SLC24A3: variants seen among roughly 807,000 people sequenced by gnomAD.
SLC24A3 encodes the protein solute carrier family 24 member 3.
SLC24A3 carries 28 observed loss-of-function variants against 75.8 expected under a neutral mutation model. The observed-to-expected ratio is 0.37, with a 90% CI of 0.27 to 0.51. The LOEUF is 0.51. Among genes scored for constraint, SLC24A3 ranks in the 20% least tolerant of loss-of-function variants. SLC24A3 has a pLI of 0.94. For synonymous variants in SLC24A3, 372 were observed against 334.1 expected (o/e 1.11, Z -1.24); for missense variants, 663 against 847.8 (o/e 0.78, Z 2.71).
At chr20:19,271,327 T>TAAAAA (rs1354173057) in intron 1 of SLC24A3, among the ~76,000 whole-genome samples, 2 of 130,256 alleles carry the variant, frequency 1.5e-5, no homozygotes, top group African/African-American at 5.6e-5. Flanking sequence ...AATTAAAAAA[T>TAAAAA]AAAAAAAAAA....
intron 7 of SLC24A3, among the ~76,000 whole-genome samples, chr20:19,659,254 C>G (rs146815073): frequency 1.9e-3 from 295 of 152,314 alleles, no homozygotes; most frequent in African/African-American, 6.7e-3. Flanking sequence ...GGCACAGCAG[C>G]GAGGTTCCTT....
At chr20:19,413,978 C>T (rs1187833646) in intron 2 of SLC24A3, among the ~76,000 whole-genome samples, 1 of 151,906 alleles carries the variant, frequency 6.6e-6, no homozygotes, top group Non-Finnish European at 1.5e-5. Context: ...ATAAGAAAAA[C>T]ATTAAGACCC....
At position 19,325,752 on chromosome 20, in the gene SLC24A3, G is replaced by A. The variant is rs867355019; in HGVS notation, c.271+44665G>A. On this transcript the variant is annotated intron_variant, in intron 2 of 16. Transcript: ENST00000328041. ...TATATATGTGTGTGTGTGTGTGTGT[G>A]TATACATACATACATATATATATAC... Among the ~76,000 whole-genome samples, 11 of 75,200 alleles carry A rather than the reference G, an allele frequency of 1.5e-4. No homozygotes were observed. In the East Asian group the frequency reaches 2.9e-3, roughly 19 times the overall value. 49.3% of individuals were successfully genotyped at this position (75,200 alleles called of 152,430 possible).
intron 6 of SLC24A3, among the ~76,000 whole-genome samples, chr20:19,595,915 C>G (rs1238777119): frequency 2.6e-5 from 4 of 152,052 alleles, no homozygotes; most frequent in African/African-American, 4.8e-5. Context: ...GAAGAAACTT[C>G]CAGGTGGGAA....
intron 2 of SLC24A3, among the ~76,000 whole-genome samples, chr20:19,329,994 C>T (rs991916792): frequency 6.6e-6 from 1 of 152,156 alleles, no homozygotes; most frequent in Non-Finnish European, 1.5e-5. Flanking sequence ...TAGTTTTAAT[C>T]ATCTGCAGTC....
At chr20:19,629,586 G>C (rs1207136045) in intron 6 of SLC24A3, among the ~76,000 whole-genome samples, 1 of 152,146 alleles carries the variant, frequency 6.6e-6, no homozygotes, top group Non-Finnish European at 1.5e-5. Context: ...AATCCAAAGA[G>C]ACCTTGCCAT....
At chr20:19,353,740 T>G (rs1985622032) in intron 2 of SLC24A3, among the ~76,000 whole-genome samples, 1 of 152,176 alleles carries the variant, frequency 6.6e-6, no homozygotes, top group Non-Finnish European at 1.5e-5. Context: ...TTCAACATCA[T>G]TAGTCACTGG....
intron 2 of SLC24A3, among the ~76,000 whole-genome samples, chr20:19,301,539 T>A (rs961395831): frequency 6.6e-6 from 1 of 152,218 alleles, no homozygotes; most frequent in Non-Finnish European, 1.5e-5. Flanking sequence ...AGGTCTTTTA[T>A]TCCATGGGCA....
At chr20:19,418,598 C>A (rs775012508) in intron 2 of SLC24A3, among the ~76,000 whole-genome samples, 4 of 151,678 alleles carry the variant, frequency 2.6e-5, no homozygotes, top group African/African-American at 4.8e-5. Context: ...AAGAAAATAT[C>A]CAGCTCATAA....
rs116921488 is a variant in SLC24A3 at position 19,604,528 on chromosome 20, G to A, written c.612+18984G>A. On this transcript the variant is annotated intron_variant, in intron 6 of 16. Transcript: ENST00000328041. ...TGGGGCCTTGGTGAGCAGTTTAGTTGCAATTAGGACAATGATCTAGGAACT... is the reference window on the plus strand; with the variant it reads ...TGGGGCCTTGGTGAGCAGTTTAGTTACAATTAGGACAATGATCTAGGAACT... Among the ~76,000 whole-genome samples, 681 of 152,264 alleles carry A rather than the reference G, an allele frequency of 4.5e-3. 3 individuals carry two copies. The highest frequency in any genetic ancestry group is 7.3e-3 in the Non-Finnish European group (495 of 68,006).
intron 6 of SLC24A3, among the ~76,000 whole-genome samples, chr20:19,623,537 A>G (rs372739693): frequency 5.9e-5 from 9 of 152,172 alleles, no homozygotes; most frequent in African/African-American, 2.2e-4. Flanking sequence ...GCTGTCCAGA[A>G]TGGTAACCAC....
At position 19,212,838 on chromosome 20, in the gene SLC24A3, C is replaced by G. The variant is rs1981440737; in HGVS notation, c.-5C>G. On this transcript the variant is annotated 5_prime_UTR_variant, in exon 1 of 17. Transcript: ENST00000328041. ...CCGCCGAGGCCGCCGCCCGGCCGCC[C>G]GAGGATGCGGCCGTCCGGCGACGAG... The G allele has an allele frequency of 3.9e-6, 4 of 1,034,504 alleles. No individual in the cohort carries two copies. Among genetic ancestry groups the G allele is most frequent in the South Asian group, 4.4e-5 (1 of 22,614 alleles). The allele number at this position is 1,034,504 out of a possible 1,614,324, so 64.1% of individuals were successfully genotyped here. A position where few individuals can be genotyped will look rare whatever the true frequency, so the allele number is the denominator to read the frequency against.
intron 1 of SLC24A3, among the ~76,000 whole-genome samples, chr20:19,218,443 T>C (rs563861993): frequency 6.6e-6 from 1 of 152,342 alleles, no homozygotes; most frequent in East Asian, 1.9e-4. Flanking sequence ...TTCCAGCCTC[T>C]GTGGAGGAGG....
chr20:19,565,348 G>A (rs771178702), intron 3 of SLC24A3, among the ~76,000 whole-genome samples: 5 of 151,718 alleles, frequency 3.3e-5, no homozygotes, highest in Non-Finnish European at 5.9e-5. Flanking sequence ...TAGGCTACTA[G>A]AGCCACTTCA....
intron 3 of SLC24A3, among the ~76,000 whole-genome samples, chr20:19,570,985 G>A (rs141453399): frequency 5.3e-5 from 8 of 152,260 alleles, no homozygotes; most frequent in South Asian, 4.2e-4. Flanking sequence ...GCCTGGTAGA[G>A]GTTAGAGCTG....
intron 6 of SLC24A3, among the ~76,000 whole-genome samples, chr20:19,617,604 G>T (rs1345656600): frequency 6.6e-6 from 1 of 152,182 alleles, no homozygotes; most frequent in Non-Finnish European, 1.5e-5. Flanking sequence ...TGAAACCTCT[G>T]CTGTTGCAAA....
At chr20:19,450,238 A>G (rs1987457128) in intron 2 of SLC24A3, among the ~76,000 whole-genome samples, 1 of 152,218 alleles carries the variant, frequency 6.6e-6, no homozygotes, top group Non-Finnish European at 1.5e-5. Flanking sequence ...AGTAAACTGG[A>G]CTTGCTTCCA....
chr20:19,477,049 A>C (rs947494446), intron 2 of SLC24A3, among the ~76,000 whole-genome samples: 9 of 152,080 alleles, frequency 5.9e-5, no homozygotes, highest in Non-Finnish European at 1.2e-4. Flanking sequence ...GTGCCTAGCC[A>C]TAGTAAGGAC....
At chr20:19,361,197 T>C (rs3790191) in intron 2 of SLC24A3, among the ~76,000 whole-genome samples, 67,984 of 152,054 alleles carry the variant, frequency 0.45, 15,466 homozygotes, top group Middle Eastern at 0.56. Flanking sequence ...TGGAAAGATA[T>C]CTGCTAAAGC....
Sources: allele counts gnomAD v4.1 joint callset (sites outside exome capture counted in the v4.1 genomes callset), GRCh38; gene constraint gnomAD v4.1.1; transcripts MANE v1.5; gene names NCBI Gene and HGNC (gene_info 2026-07-23, HGNC 2026-07-21).